Variants in SEPTIN10 observed in about 807,000 individuals in gnomAD.
SEPTIN10 encodes septin-10.
SEPTIN10 carries 66 observed loss-of-function variants against 54.8 expected under a neutral mutation model. The observed-to-expected ratio is 1.21, with a 90% CI of 0.99 to 1.48. SEPTIN10 has a LOEUF of 1.48. Among genes scored for constraint, SEPTIN10 ranks in the 40% most tolerant of loss-of-function variants. The pLI is 0.00. For missense variants in SEPTIN10, 620 were observed against 545.6 expected (o/e 1.14, Z -1.36); for synonymous variants, 161 against 181.0 (o/e 0.89, Z 0.89).
At position 109,544,254 on chromosome 2, in the gene SEPTIN10, T is replaced by C; in HGVS notation, c.*55A>G. ...CAAAATCAAAGCACACTTCTAGTTTTTTTTTAATAAAGTTTGCTTGTGATG... is the reference window on the plus strand; with the variant it reads ...CAAAATCAAAGCACACTTCTAGTTTCTTTTTAATAAAGTTTGCTTGTGATG... On this transcript the variant is annotated 3_prime_UTR_variant, in exon 11 of 11. Transcript: ENST00000397712. 2 of 1,613,110 alleles carry C rather than the reference T, an allele frequency of 1.2e-6. No individual in the cohort carries two copies. Among genetic ancestry groups the C allele is most frequent in the Non-Finnish European group, 1.7e-6 (2 of 1,179,810 alleles).
intron 4 of SEPTIN10, among the ~76,000 whole-genome samples, chr2:109,580,488 C>T (rs570467399): frequency 1.3e-5 from 2 of 151,736 alleles, no homozygotes; most frequent in Non-Finnish European, 2.9e-5. Flanking sequence ...AAAACCACAA[C>T]AAAGCAAGCA....
intron 8 of SEPTIN10, among the ~76,000 whole-genome samples, chr2:109,556,234 G>A (rs1439892519): frequency 6.6e-6 from 1 of 152,138 alleles, no homozygotes; most frequent in Non-Finnish European, 1.5e-5. Flanking sequence ...CAGAAACACT[G>A]AGCCCTTCCA....
intron 4 of SEPTIN10, among the ~76,000 whole-genome samples, chr2:109,576,883 AG>A (rs1346955410): frequency 6.6e-6 from 1 of 152,346 alleles, no homozygotes; most frequent in African/African-American, 2.4e-5. Context: ...AAGTTTTCAA[AG>A]GAAAAAAACA....
At chr2:109,576,662 C>A (rs1338289491) in intron 4 of SEPTIN10, among the ~76,000 whole-genome samples, 1 of 152,040 alleles carries the variant, frequency 6.6e-6, no homozygotes, top group East Asian at 1.9e-4. Flanking sequence ...GTAAGAGGAC[C>A]TATTATATGA....
Position 109,543,017 on chromosome 2 carries a change from A to G in SEPTIN10, c.*1292T>C, listed in dbSNP as rs1680354833. Reference sequence around the variant, plus strand: ...TATATGTTTTATTTGTCAAGAGTAAATGTCAGTTTTATTTAGAATATTCAA... The same window carrying G: ...TATATGTTTTATTTGTCAAGAGTAAGTGTCAGTTTTATTTAGAATATTCAA... On this transcript the variant is annotated 3_prime_UTR_variant, in exon 11 of 11. Coordinates refer to ENST00000397712, the MANE Select transcript of SEPTIN10 (RefSeq NM_144710.5). 6.6e-6 allele frequency: 1 copy of G among 152,618 alleles called. No individual in the cohort carries two copies. The highest frequency in any genetic ancestry group is 2.4e-5 in the African/African-American group (1 of 41,456). The allele number at this position is 152,618 out of a possible 1,614,324, so 9.5% of individuals were successfully genotyped here.
intron 9 of SEPTIN10, among the ~76,000 whole-genome samples, chr2:109,547,883 TTC>T (rs1297681827): frequency 2.6e-5 from 4 of 152,204 alleles, no homozygotes; most frequent in Admixed American, 6.5e-5. Flanking sequence ...CCCTGGGTAG[TTC>T]TTTCTGTGTC....
At chr2:109,610,960 TCA>T (rs1376000859) in intron 1 of SEPTIN10, among the ~76,000 whole-genome samples, 2 of 152,172 alleles carry the variant, frequency 1.3e-5, no homozygotes, top group Non-Finnish European at 2.9e-5. Flanking sequence ...CTACCTTATT[TCA>T]GACTTACACA....
Position 109,543,884 on chromosome 2 carries a change from G to A in SEPTIN10, c.*425C>T, listed in dbSNP as rs1680509940. ...TTGGAATATCTGCATATACACAACGGGACCCGACTCTAATTACATAATTCA... is the reference window on the plus strand; with the variant it reads ...TTGGAATATCTGCATATACACAACGAGACCCGACTCTAATTACATAATTCA... On this transcript the variant is annotated 3_prime_UTR_variant, in exon 11 of 11. Coordinates refer to ENST00000397712, the MANE Select transcript of SEPTIN10 (RefSeq NM_144710.5). The A allele has an allele frequency of 5.0e-6, 2 of 401,626 alleles. No individual in the cohort carries two copies. Among genetic ancestry groups the A allele is most frequent in the African/African-American group, 2.1e-5 (1 of 48,160 alleles). 24.9% of individuals were successfully genotyped at this position (401,626 alleles called of 1,614,324 possible).
chr2:109,602,894 C>T (rs1482220857), intron 1 of SEPTIN10, among the ~76,000 whole-genome samples: 1 of 134,920 alleles, frequency 7.4e-6, no homozygotes, highest in East Asian at 2.2e-4. Context: ...ATAGGCAGAC[C>T]CTGTCTCAAA....
In SEPTIN10 at chr2:109,567,830, G is replaced by T. The variant is rs1305447603; in HGVS notation, c.747C>A (p.Val249=). 5 of 1,604,006 alleles carry T rather than the reference G, an allele frequency of 3.1e-6. No homozygotes were observed. The East Asian group carries it at 1.1e-4, about 36-fold the overall frequency. Residue 249 remains valine (V), a synonymous_variant, in exon 6 of 11, where the codon GTC becomes GTA. Coordinates refer to ENST00000397712, the MANE Select transcript of SEPTIN10 (RefSeq NM_144710.5). ...AGGAGCTCACATTCATTGCAGCGTT[G>T]ACCTTAGCAATAGTGTCATCATCCG... ...FPTDDDTIAK[V]NAAMNGQLPF...
chr2:109,572,422 C>T (rs1014603357), intron 5 of SEPTIN10, among the ~76,000 whole-genome samples: 2 of 152,136 alleles, frequency 1.3e-5, no homozygotes, highest in South Asian at 2.1e-4. Flanking sequence ...CACGAGCCAC[C>T]GTACCTGGCC....
intron 1 of SEPTIN10, among the ~76,000 whole-genome samples, chr2:109,597,230 C>G (rs528173873): frequency 6.6e-6 from 1 of 152,280 alleles, no homozygotes; most frequent in South Asian, 2.1e-4. Flanking sequence ...CATGAGCCAC[C>G]GTGCCTGGCT....
chr2:109,551,378 A>G (rs1682921871), intron 9 of SEPTIN10, among the ~76,000 whole-genome samples: 1 of 152,254 alleles, frequency 6.6e-6, no homozygotes. Context: ...TAAAACTAAG[A>G]TTCATGCTAT....
intron 9 of SEPTIN10, 94 bp downstream of exon 9, chr2:109,552,993 C>A (rs1206368871): frequency 7.0e-7 from 1 of 1,435,914 alleles, no homozygotes; most frequent in Non-Finnish European, 9.5e-7. Flanking sequence ...AAGTAGCCTA[C>A]AAAAGAGTCT....
At chr2:109,566,899 CAT>C (rs1687165495) in intron 6 of SEPTIN10, among the ~76,000 whole-genome samples, 1 of 152,056 alleles carries the variant, frequency 6.6e-6, no homozygotes, top group African/African-American at 2.4e-5. Context: ...TTAAAATTGA[CAT>C]ATTTAGTTTC....
intron 9 of SEPTIN10, among the ~76,000 whole-genome samples, chr2:109,550,562 C>T (rs1682669996): frequency 6.6e-6 from 1 of 152,066 alleles, no homozygotes; most frequent in South Asian, 2.1e-4. Context: ...GATCCACCCA[C>T]CTCGGCCTCC....
At chr2:109,569,893 T>C (rs1687954082) in intron 5 of SEPTIN10, among the ~76,000 whole-genome samples, 1 of 152,066 alleles carries the variant, frequency 6.6e-6, no homozygotes, top group Non-Finnish European at 1.5e-5. Flanking sequence ...TGTTCTGCTT[T>C]TTAGTAACAG....
At chr2:109,584,332 A>G (rs1244669290) in intron 4 of SEPTIN10, among the ~76,000 whole-genome samples, 1 of 151,784 alleles carries the variant, frequency 6.6e-6, no homozygotes, top group East Asian at 1.9e-4. Context: ...AAAAAAAATT[A>G]GGTGTGGTGG....
intron 1 of SEPTIN10, among the ~76,000 whole-genome samples, chr2:109,598,513 CGAGAGA>C (rs950278702): frequency 6.6e-6 from 1 of 151,964 alleles, no homozygotes; most frequent in Non-Finnish European, 1.5e-5. Context: ...TGAGCGAGAG[CGAGAGA>C]GAACAAAAAG....
Sources: gnomAD v4.1 joint callset for allele counts (sites outside exome capture counted in the v4.1 genomes callset) on GRCh38, gnomAD v4.1.1 for gene constraint, MANE v1.5 for transcripts, NCBI Gene and HGNC (gene_info 2026-07-23, HGNC 2026-07-21) for gene names.